SYNPR: variants seen among roughly 807,000 people sequenced by gnomAD.
The protein encoded by SYNPR is synaptoporin.
SYNPR carries 23 observed loss-of-function variants against 32.9 expected under a neutral mutation model. That is an observed-to-expected ratio of 0.70 (90% CI 0.50 to 0.99). The LOEUF is 0.99. SYNPR is among the 50% of genes least tolerant of loss of function. SYNPR has a pLI of 0.00. For synonymous variants in SYNPR, 146 were observed against 135.9 expected, an observed-to-expected ratio of 1.07 and a Z score of -0.52; for missense variants, 318 against 349.3, an observed-to-expected ratio of 0.91 and a Z score of 0.71.
chr3:63,597,708 C>T (rs1699982007), intron 4 of SYNPR, among the ~76,000 whole-genome samples: 1 of 152,182 alleles, frequency 6.6e-6, no homozygotes, highest in Non-Finnish European at 1.5e-5. Flanking sequence ...AACTTGGACA[C>T]ATCACTGAAT....
chr3:63,613,824 A>C (rs1700239020), intron 5 of SYNPR, among the ~76,000 whole-genome samples: 1 of 152,084 alleles, frequency 6.6e-6, no homozygotes, highest in Non-Finnish European at 1.5e-5. Flanking sequence ...ACAAAACAAA[A>C]ACAAAAATGA....
chr3:63,253,149 A>G (rs1475517580), intron 2 of SYNPR, among the ~76,000 whole-genome samples: 1 of 152,108 alleles, frequency 6.6e-6, no homozygotes, highest in Admixed American at 6.6e-5. Context: ...TTTATGGCAC[A>G]TTCTTTTGAA....
chr3:63,460,208 G>A (rs187405586), intron 2 of SYNPR, among the ~76,000 whole-genome samples: 7 of 152,168 alleles, frequency 4.6e-5, no homozygotes, highest in Admixed American at 4.6e-4. Flanking sequence ...AAACCCTGCA[G>A]CATCTAGCCA....
intron 4 of SYNPR, among the ~76,000 whole-genome samples, chr3:63,576,487 T>A (rs916769627): frequency 6.6e-6 from 1 of 152,038 alleles, no homozygotes; most frequent in South Asian, 2.1e-4. Flanking sequence ...CAGTTTTCCA[T>A]GCATAGAAAA....
intron 2 of SYNPR, among the ~76,000 whole-genome samples, chr3:63,408,608 G>A (rs935977407): frequency 6.6e-6 from 1 of 152,148 alleles, no homozygotes; most frequent in African/African-American, 2.4e-5. Context: ...CCAGAAGCTG[G>A]AGAACCTGGA....
intron 2 of SYNPR, among the ~76,000 whole-genome samples, chr3:63,355,176 G>T (rs1046740831): frequency 3.5e-4 from 53 of 152,012 alleles, no homozygotes; most frequent in African/African-American, 1.3e-3. Context: ...CTATTCAGGA[G>T]GCTGAGGGCA....
chr3:63,482,749 A>G (rs76303230), intron 3 of SYNPR, among the ~76,000 whole-genome samples: 1 of 152,150 alleles, frequency 6.6e-6, no homozygotes, highest in African/African-American at 2.4e-5. Context: ...ATTCCAAAAC[A>G]GCTTAATTTA....
In SYNPR at chr3:63,283,051, C is replaced by T. The variant is rs989513604; in HGVS notation, c.84+4309C>T. On this transcript the variant is annotated intron_variant, in intron 2 of 5. Coordinates refer to ENST00000478300, the MANE Select transcript of SYNPR (RefSeq NM_001130003.2). The stretch of plus-strand genomic sequence containing the variant: ...AATTTGAGATGCAGTAGGTAGAGAA[C>T]GGGAGAGGTTGATGGTAAACTGTGG... Among the ~76,000 whole-genome samples the T allele has an allele frequency of 5.3e-5, 8 of 152,020 alleles. No individual in the cohort carries two copies. In the South Asian group the frequency reaches 6.2e-4, roughly 12 times the overall value.
intron 3 of SYNPR, among the ~76,000 whole-genome samples, chr3:63,516,715 A>G (rs1386173081): frequency 3.3e-5 from 5 of 152,132 alleles, no homozygotes; most frequent in Non-Finnish European, 2.9e-5. Flanking sequence ...AGTTATATAC[A>G]ACTCTTCAGA....
intron 3 of SYNPR, among the ~76,000 whole-genome samples, chr3:63,493,891 G>T (rs533050650): frequency 6.6e-6 from 1 of 150,716 alleles, no homozygotes; most frequent in East Asian, 2.0e-4. Flanking sequence ...TCTGGGTGAA[G>T]CCCAAGGATT....
At chr3:63,274,364 G>T (rs997394569), upstream of SYNPR, among the ~76,000 whole-genome samples, 1 of 152,058 alleles carries the variant, frequency 6.6e-6, no homozygotes, top group South Asian at 2.1e-4. Context: ...GATTCAAAAT[G>T]CTTGGTTTTG....
chr3:63,557,767 C>A (rs1702619358), intron 4 of SYNPR, among the ~76,000 whole-genome samples: 2 of 152,076 alleles, frequency 1.3e-5, no homozygotes, highest in South Asian at 4.1e-4. Context: ...TTTATGCAAG[C>A]AAGCTTTCTC....
the SYNPR span, among the ~76,000 whole-genome samples, chr3:63,205,895 C>T: frequency 6.6e-6 from 1 of 152,184 alleles, no homozygotes; most frequent in Admixed American, 6.5e-5. Flanking sequence ...ATCCCCAGAG[C>T]ATGTTAAATA....
rs115028287 is a variant in SYNPR at position 63,486,167 on chromosome 3, C to T, written c.209+5211C>T. Among the ~76,000 whole-genome samples the T allele has an allele frequency of 8.1e-3, 1,227 of 152,248 alleles. 14 individuals carry two copies. The highest frequency in any genetic ancestry group is 0.026 in the African/African-American group (1,099 of 41,548). On this transcript the variant is annotated intron_variant, in intron 3 of 5. Transcript: ENST00000478300. ...CAAGTGATCCACCTACCTTGGCCCC[C>T]AAAAGTGCTGGAATTACAGGTGTGG...
chr3:63,519,267 C>T (rs899008801), intron 3 of SYNPR, among the ~76,000 whole-genome samples: 1 of 152,170 alleles, frequency 6.6e-6, no homozygotes, highest in African/African-American at 2.4e-5. Flanking sequence ...ATCAGATCCT[C>T]ACTTTAATTC....
intron 2 of SYNPR, among the ~76,000 whole-genome samples, chr3:63,340,766 T>C (rs1485196700): frequency 1.3e-5 from 2 of 152,190 alleles, no homozygotes; most frequent in Non-Finnish European, 2.9e-5. Flanking sequence ...GAAAAGTTAA[T>C]AGTACAGTGA....
At chr3:63,569,978 T>C (rs887913618) in intron 4 of SYNPR, among the ~76,000 whole-genome samples, 4 of 152,166 alleles carry the variant, frequency 2.6e-5, no homozygotes, top group African/African-American at 9.7e-5. Context: ...TCTAAATAAA[T>C]CTGGTGGCTC....
intron 5 of SYNPR, among the ~76,000 whole-genome samples, chr3:63,611,688 T>C (rs138378154): frequency 2.0e-5 from 3 of 152,150 alleles, no homozygotes; most frequent in African/African-American, 7.2e-5. Flanking sequence ...ACTTTATTTC[T>C]TTTTTTTCAT....
In SYNPR at chr3:63,268,175, T is replaced by A. The variant is rs886940340; in HGVS notation, n.287+726T>A. Among the ~76,000 whole-genome samples, 4 of 152,232 alleles carry A rather than the reference T, an allele frequency of 2.6e-5. No individual in the cohort carries two copies. The South Asian group carries it at 6.2e-4, about 24-fold the overall frequency. ...AAAGACAGCCTTTATTAAAGATTCA[T>A]TGATTACATGCCATCCAGACAATAA... On this transcript the variant is annotated intron_variant and non_coding_transcript_variant, in intron 3 of 4. Coordinates refer to the SYNPR transcript ENST00000478456.
Sources: gnomAD v4.1 joint callset for allele counts (sites outside exome capture counted in the v4.1 genomes callset) on GRCh38, gnomAD v4.1.1 for gene constraint, MANE v1.5 for transcripts, NCBI Gene and HGNC (gene_info 2026-07-23, HGNC 2026-07-21) for gene names.